Variants in GLP2R observed in about 807,000 individuals in gnomAD.
The protein encoded by GLP2R is glucagon like peptide 2 receptor, also known as glucagon-like peptide 2 receptor.
Under a neutral mutation model 68.2 loss-of-function variants are expected in GLP2R, and 59 were observed. That is an observed-to-expected ratio of 0.87 (90% confidence interval 0.70 to 1.07). The LOEUF (loss-of-function observed/expected upper bound fraction) is 1.07, where lower values mean the gene tolerates loss of function less well. GLP2R is among the 50% of genes least tolerant of loss of function. The pLI is 0.00. For synonymous variants in GLP2R, 270 were observed against 265.4 expected (o/e 1.02, Z -0.17); for missense variants, 548 against 677.4 (o/e 0.81, Z 2.12).
At chr17:9,827,283 A>T (rs1398207003) in intron 1 of GLP2R, among the ~76,000 whole-genome samples, 2 of 152,168 alleles carry the variant, frequency 1.3e-5, no homozygotes, top group Non-Finnish European at 2.9e-5. Context: ...ACTATGGAGC[A>T]CTTGCTCTGC....
chr17:9,878,842 G>A (rs980705448), intron 10 of GLP2R, among the ~76,000 whole-genome samples: 4 of 152,060 alleles, frequency 2.6e-5, no homozygotes, highest in African/African-American at 4.8e-5. Flanking sequence ...CATGAACTGC[G>A]AATGCCACCC....
At chr17:9,884,835 T>C (rs2067227868) in intron 11 of GLP2R, among the ~76,000 whole-genome samples, 1 of 152,202 alleles carries the variant, frequency 6.6e-6, no homozygotes, top group South Asian at 2.1e-4. Context: ...AATTTTTGTG[T>C]TCCTGGCCGT....
intron 9 of GLP2R, among the ~76,000 whole-genome samples, chr17:9,868,707 CG>C (rs1388961929): frequency 5.3e-5 from 8 of 152,166 alleles, no homozygotes; most frequent in African/African-American, 1.2e-4. Flanking sequence ...CTCCTTCGTA[CG>C]TTCTATGGGT....
chr17:9,844,143 G>A (rs916708528), intron 4 of GLP2R, among the ~76,000 whole-genome samples: 4 of 152,218 alleles, frequency 2.6e-5, no homozygotes, highest in African/African-American at 9.6e-5. Flanking sequence ...GGGCCACCTT[G>A]AGTGCTGCTG....
chr17:9,852,861 C>A, intron 4 of GLP2R: 1 of 396,632 alleles, frequency 2.5e-6, no homozygotes, highest in Non-Finnish European at 4.8e-6. Flanking sequence ...TTAATTTTTT[C>A]TGTGGAAACT....
At position 9,841,308 on chromosome 17, in the gene GLP2R, G is replaced by A. The variant is rs140810574; in HGVS notation, c.383-1187G>A. 3.6e-3 allele frequency among the ~76,000 whole-genome samples: 547 copies of A among 151,628 alleles called. 6 individuals are homozygous for A. In the East Asian group the frequency reaches 0.047, roughly 13 times the overall value. On this transcript the variant is annotated intron_variant, in intron 3 of 12. Coordinates refer to ENST00000262441, the MANE Select transcript of GLP2R (RefSeq NM_004246.3). Reference sequence around the variant, plus strand: ...CTCCCAAAGTGCTGGGGTTACAGGCGTGAGCCACCACGCCTGGCCTGTGTG... The same window carrying A: ...CTCCCAAAGTGCTGGGGTTACAGGCATGAGCCACCACGCCTGGCCTGTGTG...
At chr17:9,826,285 G>T (rs761899859) in intron 1 of GLP2R, 33 bp downstream of exon 1, 2 of 1,467,322 alleles carry the variant, frequency 1.4e-6, no homozygotes, top group South Asian at 1.4e-5. Flanking sequence ...ATTATTATCA[G>T]TTGTATTTCC....
chr17:9,870,517 A>G (rs2067082178), intron 9 of GLP2R, among the ~76,000 whole-genome samples: 1 of 152,182 alleles, frequency 6.6e-6, no homozygotes, highest in Non-Finnish European at 1.5e-5. Flanking sequence ...AGTTCAGATG[A>G]CCTTTGGGAC....
At chr17:9,868,492 C>A (rs1283318697) in intron 9 of GLP2R, among the ~76,000 whole-genome samples, 1 of 152,164 alleles carries the variant, frequency 6.6e-6, no homozygotes, top group African/African-American at 2.4e-5. Flanking sequence ...CCTTAGCACC[C>A]ACCCCCATCT....
At chr17:9,842,093 T>A (rs374531783) in intron 3 of GLP2R, among the ~76,000 whole-genome samples, 53 of 152,298 alleles carry the variant, frequency 3.5e-4, no homozygotes, top group African/African-American at 1.3e-3. Context: ...CGCATCCGGC[T>A]TCAGCCCCAG....
Position 9,857,508 on chromosome 17 carries a change from G to A in GLP2R, c.697G>A (p.Val233Ile), listed in dbSNP as rs139958183. Residue 233 changes from valine (V) to isoleucine (I), a missense_variant, in exon 6 of 13, where the codon GTC becomes ATC. Physicochemically the swap from Val to Ile is conservative, Grantham distance 29 (BLOSUM62 3). Coordinates refer to ENST00000262441, the MANE Select transcript of GLP2R (RefSeq NM_004246.3). ...AACCCTGGCTGTACTGGTGAAGGACGTCGTCTTCTACAACTCTTACTCCAA... is the reference window on the plus strand; with the variant it reads ...AACCCTGGCTGTACTGGTGAAGGACATCGTCTTCTACAACTCTTACTCCAA... ...LRTLAVLVKD[V>I]VFYNSYSKRP... The A allele has an allele frequency of 4.3e-5, 70 of 1,613,952 alleles. No individual in the cohort carries two copies. Among genetic ancestry groups the A allele is most frequent in the African/African-American group, 3.5e-4 (26 of 74,894 alleles).
chr17:9,845,346 A>G (rs2066827524), intron 4 of GLP2R, among the ~76,000 whole-genome samples: 2 of 152,220 alleles, frequency 1.3e-5, no homozygotes, highest in Admixed American at 1.3e-4. Context: ...AATGTTAAAG[A>G]TATTCTATAC....
At chr17:9,851,486 A>T (rs1360421321) in intron 4 of GLP2R, among the ~76,000 whole-genome samples, 1 of 152,250 alleles carries the variant, frequency 6.6e-6, no homozygotes, top group African/African-American at 2.4e-5. Flanking sequence ...TATAGGGGGT[A>T]GGTTTGTGCT....
At chr17:9,882,991 CA>C (rs3073990) in intron 11 of GLP2R, among the ~76,000 whole-genome samples, 42,893 of 125,916 alleles carry the variant, frequency 0.34, 6,899 homozygotes, top group East Asian at 0.76. Context: ...ATACTCAGGA[CA>C]AAAAAAAAAA....
At position 9,875,736 on chromosome 17, in the gene GLP2R, C is replaced by T. The variant is rs78380934; in HGVS notation, c.1146-4642C>T. Among the ~76,000 whole-genome samples the T allele has an allele frequency of 3.3e-3, 508 of 152,306 alleles. 2 individuals carry two copies. The highest frequency in any genetic ancestry group is 0.011 in the African/African-American group (472 of 41,568). On this transcript the variant is annotated intron_variant, in intron 10 of 12. Coordinates refer to ENST00000262441, the MANE Select transcript of GLP2R (RefSeq NM_004246.3). ...GGAATGCGGACAGAGTTCAGCAGAC[C>T]GTCAGCTCAGCTGGAGTTCTCTGTT...
chr17:9,885,148 TTTATTA>T (rs3073992), intron 11 of GLP2R, among the ~76,000 whole-genome samples: 28,655 of 143,238 alleles, frequency 0.2, 3,031 homozygotes, highest in East Asian at 0.31. Flanking sequence ...TAGTAACCAT[TTTATTA>T]TTATTATTAT....
At position 9,889,766 on chromosome 17, in the gene GLP2R, A is replaced by T; in HGVS notation, c.*61A>T. The T allele has an allele frequency of 1.9e-6, 2 of 1,080,490 alleles. No homozygotes were observed. The highest frequency in any genetic ancestry group is 3.2e-5 in the African/African-American group (2 of 63,010). 66.9% of individuals were successfully genotyped at this position (1,080,490 alleles called of 1,614,324 possible). ...ACTCTTGAGGGGGCCCAGGAAGAGG[A>T]AGCAAAGCAGGACACACGTTGCTGG... On this transcript the variant is annotated 3_prime_UTR_variant, in exon 13 of 13. Coordinates refer to ENST00000262441, the MANE Select transcript of GLP2R (RefSeq NM_004246.3).
chr17:9,831,776 G>A (rs1196788152), intron 1 of GLP2R, among the ~76,000 whole-genome samples: 1 of 152,178 alleles, frequency 6.6e-6, no homozygotes, highest in Non-Finnish European at 1.5e-5. Context: ...GTGGAGGGTG[G>A]ATGGTGGCAC....
intron 6 of GLP2R, 138 bp downstream of exon 6, chr17:9,857,714 G>A: frequency 1.2e-6 from 1 of 816,080 alleles, no homozygotes; most frequent in Non-Finnish European, 2.0e-6. Flanking sequence ...TAGAGAAGTA[G>A]TACGTGACTT....
Sources: gnomAD v4.1 joint callset for allele counts (sites outside exome capture counted in the v4.1 genomes callset) on GRCh38, gnomAD v4.1.1 for gene constraint, MANE v1.5 for transcripts, NCBI Gene and HGNC (gene_info 2026-07-23, HGNC 2026-07-21) for gene names.